The following CASR variants were observed in gnomAD, a reference collection of about 807,000 sequenced individuals.
The protein encoded by CASR is calcium sensing receptor, also known as extracellular calcium-sensing receptor.
A neutral mutation model predicts 69.1 loss-of-function variants in CASR; 23 were observed. The ratio of observed to expected loss-of-function variants is 0.33; its 90% CI spans 0.24 to 0.47. The LOEUF is 0.47. CASR is among the 20% of genes least tolerant of loss of function. CASR has a pLI of 1.00. For missense variants in CASR, 924 were observed against 1,356.1 expected (o/e 0.68, Z 5.00); for synonymous variants, 541 against 544.7 (o/e 0.99, Z 0.10).
chr3:122,278,492 A>G (rs555465397), intron 5 of CASR, among the ~76,000 whole-genome samples: 2 of 152,322 alleles, frequency 1.3e-5, no homozygotes, highest in African/African-American at 4.8e-5. Context: ...TAAAAGAGAC[A>G]CCTTAATTAG....
chr3:122,202,760 A>G (rs1339713944), intron 1 of CASR, among the ~76,000 whole-genome samples: 1 of 152,190 alleles, frequency 6.6e-6, no homozygotes, highest in African/African-American at 2.4e-5. Flanking sequence ...ACATTCTCCT[A>G]TAATTTCTTC....
chr3:122,268,290 G>T (rs1455742275), intron 4 of CASR, among the ~76,000 whole-genome samples: 1 of 152,170 alleles, frequency 6.6e-6, no homozygotes, highest in Non-Finnish European at 1.5e-5. Flanking sequence ...TTATTCTTTT[G>T]TAGGTGAGGA....
In CASR at chr3:122,283,968, C is replaced by T. The variant is rs193922431; in HGVS notation, c.2014C>T (p.Pro672Ser). ...CAGCTCCCTGTTCTTCATCGGGGAG[C>T]CCCAGGACTGGACGTGCCGCCTGCG... ...FSSSLFFIGEPQDWTCRLRQP... is the reference protein window; with the variant it reads ...FSSSLFFIGESQDWTCRLRQP... Residue 672 changes from proline to serine, a missense_variant, in exon 7 of 7, where the codon CCC becomes TCC. Pro to Ser is a moderately conservative substitution (Grantham distance 74). Coordinates refer to ENST00000639785, the MANE Select transcript of CASR (RefSeq NM_000388.4). 2 of 1,613,610 alleles carry T rather than the reference C, an allele frequency of 1.2e-6. No individual in the cohort carries two copies. The highest frequency in any genetic ancestry group is 2.2e-5 in the East Asian group (1 of 44,872).
At chr3:122,270,821 GTTAT>G (rs1285045546) in intron 4 of CASR, among the ~76,000 whole-genome samples, 1 of 151,860 alleles carries the variant, frequency 6.6e-6, no homozygotes, top group Non-Finnish European at 1.5e-5. Context: ...ACATTTTTCT[GTTAT>G]TTGTTTTTAA....
At chr3:122,223,487 G>T (rs2074193099) in intron 1 of CASR, among the ~76,000 whole-genome samples, 1 of 152,080 alleles carries the variant, frequency 6.6e-6, no homozygotes, top group African/African-American at 2.4e-5. Context: ...AGCCTCTCAA[G>T]ATTGAAACAG....
chr3:122,274,556 C>G (rs568931722), intron 4 of CASR, among the ~76,000 whole-genome samples: 2 of 152,100 alleles, frequency 1.3e-5, no homozygotes, highest in Non-Finnish European at 2.9e-5. Flanking sequence ...TGGACTCAGC[C>G]CAAATGTTGT....
rs192785145 is a variant in CASR at position 122,231,673 on chromosome 3, T to A, written c.-242-22275T>A. On this transcript the variant is annotated intron_variant, in intron 1 of 6. Coordinates refer to ENST00000639785, the MANE Select transcript of CASR (RefSeq NM_000388.4). Reference sequence around the variant, plus strand: ...ATGAAACATCTGAATTGGAAGAAATTATGTGCATATGTGCATTTTTCTGGA... The same window carrying A: ...ATGAAACATCTGAATTGGAAGAAATAATGTGCATATGTGCATTTTTCTGGA... Among the ~76,000 whole-genome samples, 26 of 152,082 alleles carry A rather than the reference T, an allele frequency of 1.7e-4. 1 individual carries two copies. The East Asian group carries it at 4.6e-3, about 27-fold the overall frequency.
intron 3 of CASR, chr3:122,257,623 ACTGTGT>A: frequency 2.1e-6 from 1 of 465,422 alleles, no homozygotes; most frequent in Non-Finnish European, 3.8e-6. Flanking sequence ...CTTGCATAAA[ACTGTGT>A]CTTTTTTTAA....
chr3:122,259,899 T>C (rs944976016), intron 3 of CASR, among the ~76,000 whole-genome samples: 3 of 152,200 alleles, frequency 2.0e-5, no homozygotes, highest in African/African-American at 7.2e-5. Context: ...TTGTTTTAAA[T>C]GGTGAAAGAT....
intron 1 of CASR, among the ~76,000 whole-genome samples, chr3:122,207,039 A>C (rs772770841): frequency 4.0e-5 from 6 of 151,536 alleles, no homozygotes; most frequent in Non-Finnish European, 8.8e-5. Flanking sequence ...TTGTCGACCC[A>C]TTTTTTTAAG....
At chr3:122,212,911 G>A (rs561315636) in intron 1 of CASR, among the ~76,000 whole-genome samples, 5 of 152,268 alleles carry the variant, frequency 3.3e-5, no homozygotes, top group Admixed American at 2.0e-4. Flanking sequence ...CAAAGTGCTA[G>A]AATTACAGGC....
At chr3:122,241,264 A>G (rs1364896275) in intron 1 of CASR, among the ~76,000 whole-genome samples, 2 of 152,160 alleles carry the variant, frequency 1.3e-5, no homozygotes, top group Non-Finnish European at 2.9e-5. Context: ...TTGAAAAAAC[A>G]AATAAAATTG....
intron 6 of CASR, among the ~76,000 whole-genome samples, chr3:122,282,715 A>T (rs775846031): frequency 1.1e-4 from 16 of 152,248 alleles, no homozygotes; most frequent in Admixed American, 6.5e-4. Context: ...GGTAATGCAC[A>T]TGGTAAGTTC....
At chr3:122,262,449 T>C (rs2074640203) in intron 4 of CASR, 37 bp downstream of exon 4, 1 of 1,589,378 alleles carries the variant, frequency 6.3e-7, no homozygotes, top group South Asian at 1.1e-5. Flanking sequence ...TGCTGTATAA[T>C]AAAGCAGAGT....
Position 122,285,677 on chromosome 3 carries a change from T to G in CASR, c.*486T>G, listed in dbSNP as rs984571674. On this transcript the variant is annotated 3_prime_UTR_variant, in exon 7 of 7. Coordinates refer to ENST00000639785, the MANE Select transcript of CASR (RefSeq NM_000388.4). Reference sequence around the variant, plus strand: ...AGGAGAATGTATCTCCTCCTATTTATGAAAACCATATGATATTTTGTCTCC... The same window carrying G: ...AGGAGAATGTATCTCCTCCTATTTAGGAAAACCATATGATATTTTGTCTCC... 2 of 179,692 alleles carry G rather than the reference T, an allele frequency of 1.1e-5. No homozygotes were observed. The highest frequency in any genetic ancestry group is 4.8e-5 in the African/African-American group (2 of 42,050). The allele number at this position is 179,692 out of a possible 1,614,324, so 11.1% of individuals were successfully genotyped here.
chr3:122,252,437 G>GAAAGAAAGAAAGAA (rs1559954368), intron 1 of CASR, among the ~76,000 whole-genome samples: 1 of 81,062 alleles, frequency 1.2e-5, no homozygotes, highest in Non-Finnish European at 2.4e-5. Context: ...AAGAAAGAAA[G>GAAAGAAAGAAAGAA]AAAGAAAGAA....
chr3:122,227,292 C>A (rs565006804), intron 1 of CASR, among the ~76,000 whole-genome samples: 1 of 151,934 alleles, frequency 6.6e-6, no homozygotes, highest in Non-Finnish European at 1.5e-5. Flanking sequence ...GCTCCCGCCA[C>A]ACAGGAGCCC....
chr3:122,220,587 TAAGAA>T (rs2074160468), intron 1 of CASR, among the ~76,000 whole-genome samples: 1 of 152,220 alleles, frequency 6.6e-6, no homozygotes, highest in Admixed American at 6.5e-5. Flanking sequence ...AAGACAGAGT[TAAGAA>T]AAGTAACGAT....
intron 1 of CASR, among the ~76,000 whole-genome samples, chr3:122,253,508 G>A (rs1447883816): frequency 6.6e-6 from 1 of 152,180 alleles, no homozygotes; most frequent in Non-Finnish European, 1.5e-5. Flanking sequence ...TCCCCATAGT[G>A]CTAGGATTAC....
Sources: gnomAD v4.1 joint callset for allele counts (sites outside exome capture counted in the v4.1 genomes callset) on GRCh38, gnomAD v4.1.1 for gene constraint, MANE v1.5 for transcripts, NCBI Gene and HGNC (gene_info 2026-07-23, HGNC 2026-07-21) for gene names.